Variants in RYR3 observed in about 807,000 individuals in gnomAD.
RYR3 encodes the protein ryanodine receptor 3.
A neutral mutation model predicts 584.3 loss-of-function variants in RYR3; 207 were observed. The ratio of observed to expected loss-of-function variants is 0.35; its 90% CI spans 0.32 to 0.40. The LOEUF (loss-of-function observed/expected upper bound fraction) is 0.40. Among genes scored for constraint, RYR3 ranks in the 10% least tolerant of loss-of-function variants. RYR3 has a pLI of 1.00. For missense variants in RYR3, 5,616 were observed against 6,089.2 expected, an observed-to-expected ratio of 0.92 and a Z score of 2.59; for synonymous variants, 2,416 against 2,248.5, an observed-to-expected ratio of 1.07 and a Z score of -2.11.
rs539533734 is a variant in RYR3, at chr15:33,511,844, T to C, written c.279+8106T>C. On this transcript the variant is annotated intron_variant, in intron 3 of 103. Transcript: ENST00000634891. ...CCCAGGCTGCAGTGCAGTGGCGCGA[T>C]CTCGGCTCACTGCAAGCTCCACCTC... is the stretch of plus-strand genomic sequence containing the variant. 1.5e-3 allele frequency among the ~76,000 whole-genome samples: 228 copies of C among 152,346 alleles called. 2 individuals are homozygous for C. The highest frequency in any genetic ancestry group is 5.4e-3 in the African/African-American group (224 of 41,592).
At chr15:33,444,941 T>C (rs1250758039) in intron 1 of RYR3, among the ~76,000 whole-genome samples, 1 of 150,752 alleles carries the variant, frequency 6.6e-6, no homozygotes, top group Non-Finnish European at 1.5e-5. Flanking sequence ...CCCTGTGCCC[T>C]GAAGGGAGAA....
rs183441692 is a variant in RYR3, at chr15:33,818,530, C to T, written c.10600-48C>T. 9.4e-5 allele frequency: 133 copies of T among 1,409,830 alleles called. No individual in the cohort carries two copies. The African/African-American group carries it at 1.7e-3, about 18-fold the overall frequency. 87.3% of individuals were successfully genotyped at this position (1,409,830 alleles called of 1,614,324 possible). On this transcript the variant is annotated intron_variant, in intron 75 of 103. Transcript: ENST00000634891. Reference sequence around the variant, plus strand: ...CTTTGTTCGCATGCCAGTCACGTGGCACGAGATTAAATTCATGCCTAAAAC... The same window carrying T: ...CTTTGTTCGCATGCCAGTCACGTGGTACGAGATTAAATTCATGCCTAAAAC...
intron 13 of RYR3, among the ~76,000 whole-genome samples, chr15:33,580,740 C>T (rs2058547349): frequency 6.6e-6 from 1 of 152,172 alleles, no homozygotes; most frequent in Admixed American, 6.5e-5. Context: ...GCCAACAGGC[C>T]ATGGTTGTAC....
chr15:33,594,406 T>G (rs1313053156), intron 16 of RYR3, among the ~76,000 whole-genome samples: 1 of 152,208 alleles, frequency 6.6e-6, no homozygotes, highest in Non-Finnish European at 1.5e-5. Context: ...GCTCCAAATT[T>G]TGTTCACAGG....
chr15:33,356,870 T>A (rs113231041), intron 1 of RYR3, among the ~76,000 whole-genome samples: 17 of 152,190 alleles, frequency 1.1e-4, no homozygotes, highest in African/African-American at 4.1e-4. Context: ...GTAATAATTA[T>A]AATATGGAAA....
intron 1 of RYR3, among the ~76,000 whole-genome samples, chr15:33,466,669 A>G (rs988306901): frequency 2.0e-5 from 3 of 152,196 alleles, no homozygotes; most frequent in Admixed American, 1.3e-4. Flanking sequence ...TAATATTTCT[A>G]TGTCTCATGG....
chr15:33,375,685 C>A, intron 1 of RYR3, among the ~76,000 whole-genome samples: 1 of 152,200 alleles, frequency 6.6e-6, no homozygotes, highest in East Asian at 1.9e-4. Flanking sequence ...AATTTTTACA[C>A]AGTAAAATGC....
At chr15:33,486,398 G>A (rs2572174) in intron 2 of RYR3, among the ~76,000 whole-genome samples, 67,599 of 151,936 alleles carry the variant, frequency 0.44, 15,867 homozygotes, top group Non-Finnish European at 0.52. Flanking sequence ...TTTTTTCTCT[G>A]TGCACGTCTT....
chr15:33,624,074 G>C (rs1365806411), intron 20 of RYR3, 51 bp downstream of exon 20: 14 of 1,194,616 alleles, frequency 1.2e-5, no homozygotes, highest in Middle Eastern at 5.1e-4. Context: ...AAGCAATAGA[G>C]TTAAATACTT....
At chr15:33,458,784 A>T (rs919644212) in intron 1 of RYR3, among the ~76,000 whole-genome samples, 3 of 152,198 alleles carry the variant, frequency 2.0e-5, no homozygotes, top group Admixed American at 6.5e-5. Flanking sequence ...TTTTAGAGTA[A>T]TGTACCAAAT....
At chr15:33,702,057 T>C (rs2066345336) in intron 42 of RYR3, among the ~76,000 whole-genome samples, 1 of 152,136 alleles carries the variant, frequency 6.6e-6, no homozygotes, top group Non-Finnish European at 1.5e-5. Context: ...CACGTGACCC[T>C]CAGACCAAGC....
In RYR3 at chr15:33,838,927, A is replaced by G; in HGVS notation, c.12947A>G (p.Glu4316Gly). Residue 4316 changes from glutamate to glycine, a missense_variant, in exon 89 of 104, where the codon GAG (glutamate) becomes GGG (glycine). Glu to Gly is a moderately conservative substitution (Grantham distance 98). Coordinates refer to ENST00000634891, the MANE Select transcript of RYR3 (RefSeq NM_001036.6). Reference sequence around the variant, plus strand: ...GGCAAGGATGAACCCCCTACATTAGAGAGTACTGTACAGAAGAAGAGGAAA... The same window carrying G: ...GGCAAGGATGAACCCCCTACATTAGGGAGTACTGTACAGAAGAAGAGGAAA... ...IIGKDEPPTL[E>G]STVQKKRKAQ... 1.9e-6 allele frequency: 3 copies of G among 1,613,606 alleles called. No homozygotes were observed. Among genetic ancestry groups the G allele is most frequent in the Non-Finnish European group, 2.5e-6 (3 of 1,179,698 alleles).
At chr15:33,757,415 T>C in intron 59 of RYR3, 60 bp from the exon 60 acceptor site, 1 of 1,550,850 alleles carries the variant, frequency 6.4e-7, no homozygotes, top group Non-Finnish European at 8.7e-7. Context: ...CACTTTTAAA[T>C]GAACCAAATG....
At chr15:33,712,832 A>G (rs1364834077) in intron 43 of RYR3, among the ~76,000 whole-genome samples, 3 of 152,208 alleles carry the variant, frequency 2.0e-5, no homozygotes, top group South Asian at 2.1e-4. Flanking sequence ...GTTAGTCAAA[A>G]TACCTAACCT....
intron 9 of RYR3, 115 bp downstream of exon 9, chr15:33,548,319 G>A: frequency 4.7e-6 from 3 of 639,624 alleles, no homozygotes; most frequent in South Asian, 4.1e-5. Flanking sequence ...CAAGTCCTTT[G>A]TCTAGAGCTA....
At chr15:33,421,831 T>G (rs1881971971) in intron 1 of RYR3, among the ~76,000 whole-genome samples, 1 of 152,182 alleles carries the variant, frequency 6.6e-6, no homozygotes, top group African/African-American at 2.4e-5. Flanking sequence ...AACCCAATTG[T>G]CAGATGTAGA....
chr15:33,532,030 G>A (rs573439049), intron 4 of RYR3, among the ~76,000 whole-genome samples: 1 of 152,266 alleles, frequency 6.6e-6, no homozygotes, highest in East Asian at 1.9e-4. Flanking sequence ...TCTACTCACA[G>A]TGAACATATA....
intron 3 of RYR3, among the ~76,000 whole-genome samples, chr15:33,520,765 C>G (rs2053921325): frequency 1.3e-5 from 2 of 151,986 alleles, no homozygotes; most frequent in Admixed American, 1.3e-4. Flanking sequence ...TCCATGGCAT[C>G]TGTGTTCAAA....
chr15:33,558,545 C>A (rs12903294), intron 10 of RYR3, among the ~76,000 whole-genome samples: 19,597 of 152,028 alleles, frequency 0.13, 1,623 homozygotes, highest in Non-Finnish European at 0.19. Context: ...GTGAGTAGTG[C>A]CGCAATAAAC....
Sources: gnomAD v4.1 joint callset for allele counts (sites outside exome capture counted in the v4.1 genomes callset) on GRCh38, gnomAD v4.1.1 for gene constraint, MANE v1.5 for transcripts, NCBI Gene and HGNC (gene_info 2026-07-23, HGNC 2026-07-21) for gene names.